The following CLTCL1 variants were observed in gnomAD, a reference collection of about 807,000 sequenced individuals.
CLTCL1 encodes clathrin heavy chain 2.
A neutral mutation model predicts 190.0 loss-of-function variants in CLTCL1; 159 were observed. The ratio of observed to expected loss-of-function variants is 0.84; its 90% CI spans 0.74 to 0.95. CLTCL1 has a LOEUF of 0.95. Among genes scored for constraint, CLTCL1 ranks in the 40% least tolerant of loss-of-function variants. The pLI is 0.00. For missense variants in CLTCL1, 1,878 were observed against 2,033.4 expected (o/e 0.92, Z 1.47); for synonymous variants, 752 against 769.6 (o/e 0.98, Z 0.38).
intron 2 of CLTCL1, among the ~76,000 whole-genome samples, chr22:19,272,791 T>A (rs1555981364): frequency 6.6e-6 from 1 of 152,060 alleles, no homozygotes; most frequent in Non-Finnish European, 1.5e-5. Context: ...TTTAATATTA[T>A]TTTTAGGGAC....
chr22:19,291,687 A>G lies in CLTCL1; in HGVS notation c.-46T>C, dbSNP rs2088135292. The G allele has an allele frequency of 1.5e-6, 2 of 1,334,398 alleles. No individual in the cohort carries two copies. The highest frequency in any genetic ancestry group is 3.4e-5 in the Admixed American group (1 of 29,012). 82.7% of individuals were successfully genotyped at this position (1,334,398 alleles called of 1,614,324 possible). A position where few individuals can be genotyped will look rare whatever the true frequency, so the allele number is the denominator to read the frequency against. On this transcript the variant is annotated 5_prime_UTR_variant, in exon 1 of 33. Coordinates refer to ENST00000427926, the MANE Select transcript of CLTCL1 (RefSeq NM_007098.4). ...GGCGGCGGCGGCAGCGGCAGGAATG[A>G]ACGCCGACCCCTCGCGCGGGCTGAC...
intron 13 of CLTCL1, among the ~76,000 whole-genome samples, chr22:19,224,265 GT>G (rs2085669920): frequency 6.6e-6 from 1 of 152,170 alleles, no homozygotes; most frequent in Admixed American, 6.5e-5. Context: ...TACCTGGCAT[GT>G]TTTGATGTAA....
intron 3 of CLTCL1, among the ~76,000 whole-genome samples, chr22:19,252,887 G>A (rs554560906): frequency 5.3e-5 from 8 of 152,102 alleles, no homozygotes; most frequent in South Asian, 2.1e-4. Flanking sequence ...GGTGGTGGGC[G>A]CCTGTAGTCC....
chr22:19,233,351 G>A (rs1555960067), intron 8 of CLTCL1, 33 bp from the exon 9 acceptor site: 2 of 1,610,310 alleles, frequency 1.2e-6, no homozygotes, highest in African/African-American at 1.3e-5. Flanking sequence ...GCAAAGTTAG[G>A]AGGCAGGTAG....
intron 2 of CLTCL1, chr22:19,257,938 G>T (rs574286038): frequency 1.0e-6 from 1 of 1,003,262 alleles, no homozygotes; most frequent in South Asian, 1.2e-5. Context: ...TGATGGCTCA[G>T]ATCTTTGCAA....
At chr22:19,206,154 G>T (rs1452107151) in intron 22 of CLTCL1, among the ~76,000 whole-genome samples, 1 of 152,128 alleles carries the variant, frequency 6.6e-6, no homozygotes, top group East Asian at 1.9e-4. Flanking sequence ...TTGAACTCCT[G>T]ACCTCAAGTG....
In CLTCL1 at chr22:19,288,356, A is replaced by G. The variant is rs528944224; in HGVS notation, c.42+3244T>C. ...GTATGCATAGGGAAAAAAAGTGTAT[A>G]AAGGGTTCAGAACAATCTGCAGTTT... On this transcript the variant is annotated intron_variant, in intron 1 of 32. Coordinates refer to ENST00000427926, the MANE Select transcript of CLTCL1 (RefSeq NM_007098.4). Among the ~76,000 whole-genome samples the G allele has an allele frequency of 2.0e-5, 3 of 152,304 alleles. No individual in the cohort carries two copies. In the South Asian group the frequency reaches 6.2e-4, roughly 32 times the overall value.
chr22:19,258,720 C>G, intron 2 of CLTCL1: 1 of 689,412 alleles, frequency 1.5e-6, no homozygotes, highest in Non-Finnish European at 2.7e-6. Context: ...CAACTCCATG[C>G]AAACCATCCA....
At position 19,234,531 on chromosome 22, in the gene CLTCL1, T is replaced by C. The variant is rs782615948; in HGVS notation, c.1145A>G (p.Lys382Arg). ...CACCTTTGGTGCAGACGCTGCAACT[T>C]TGGCGGCTTCAGCATAGCTGCCCTG... Reference protein sequence around the residue: ...FAQGSYAEAAKVAASAPKGIL... With the variant: ...FAQGSYAEAARVAASAPKGIL... Residue 382 changes from lysine to arginine, a missense_variant, in exon 7 of 33, where the codon AAA (lysine) becomes AGA (arginine). Coordinates refer to ENST00000427926, the MANE Select transcript of CLTCL1 (RefSeq NM_007098.4). 2 of 1,613,762 alleles carry C rather than the reference T, an allele frequency of 1.2e-6. No individual in the cohort carries two copies. The highest frequency in any genetic ancestry group is 2.2e-5 in the East Asian group (1 of 44,886).
At chr22:19,286,420 G>A (rs2087908573) in intron 1 of CLTCL1, among the ~76,000 whole-genome samples, 1 of 149,362 alleles carries the variant, frequency 6.7e-6, no homozygotes, top group African/African-American at 2.5e-5. Flanking sequence ...CAGTTTACAT[G>A]GTATCTTAAA....
At chr22:19,220,363 A>C (rs1205933211) in intron 17 of CLTCL1, among the ~76,000 whole-genome samples, 1 of 152,198 alleles carries the variant, frequency 6.6e-6, no homozygotes, top group Non-Finnish European at 1.5e-5. Context: ...ACAGGAACTA[A>C]ACTGGTAATT....
intron 3 of CLTCL1, among the ~76,000 whole-genome samples, chr22:19,245,137 G>C (rs1397461759): frequency 1.3e-5 from 2 of 151,174 alleles, no homozygotes; most frequent in South Asian, 4.2e-4. Flanking sequence ...ATTTGCAAAT[G>C]CTTAGACAGG....
chr22:19,257,779 G>C (rs782599873), intron 2 of CLTCL1: 128 of 1,418,206 alleles, frequency 9.0e-5, no homozygotes, highest in Non-Finnish European at 1.1e-4. Flanking sequence ...ACCATGCAAA[G>C]CCTGAACGAC....
rs201905836 is a variant in CLTCL1 at position 19,229,852 on chromosome 22, C to A, written c.1768G>T (p.Val590Phe). 1.8e-4 allele frequency: 287 copies of A among 1,609,298 alleles called. 2 individuals carry two copies. The highest frequency in any genetic ancestry group is 3.3e-4 in the Middle Eastern group (2 of 6,070). ...AAGTCACTGACCTGGGGTGCATGAACAAGGTTCATCTCCAACAGCCATGTC... is the reference window on the plus strand; with the variant it reads ...AAGTCACTGACCTGGGGTGCATGAAAAAGGTTCATCTCCAACAGCCATGTC... ...LQTWLLEMNL[V>F]HAPQVADAIL... Residue 590 changes from valine to phenylalanine, a missense_variant, in exon 11 of 33, where the codon GTT becomes TTT. Physicochemically the swap from Val to Phe is conservative, Grantham distance 50. Transcript: ENST00000427926.
chr22:19,218,120 A>C (rs1210272863), intron 18 of CLTCL1, among the ~76,000 whole-genome samples: 1 of 152,158 alleles, frequency 6.6e-6, no homozygotes, highest in Non-Finnish European at 1.5e-5. Flanking sequence ...GGCTACAGAT[A>C]TCCAATTACA....
Position 19,179,863 on chromosome 22 carries a change from G to A in CLTCL1, c.*127C>T, listed in dbSNP as rs782501774. On this transcript the variant is annotated 3_prime_UTR_variant, in exon 33 of 33. Coordinates refer to ENST00000427926, the MANE Select transcript of CLTCL1 (RefSeq NM_007098.4). ...AGTAACTCTGCAGGTAGGGTGGGTGGTGACAACGCCCACTACACGCGGAAG... is the reference window on the plus strand; with the variant it reads ...AGTAACTCTGCAGGTAGGGTGGGTGATGACAACGCCCACTACACGCGGAAG... 1.3e-4 allele frequency: 48 copies of A among 360,160 alleles called. No individual in the cohort carries two copies. Among genetic ancestry groups the A allele is most frequent in the Non-Finnish European group, 2.1e-4 (41 of 194,818 alleles). The allele number at this position is 360,160 out of a possible 1,614,324, so 22.3% of individuals were successfully genotyped here.
intron 4 of CLTCL1, 35 bp downstream of exon 4, chr22:19,242,740 T>G: frequency 6.2e-7 from 1 of 1,612,944 alleles, no homozygotes; most frequent in Non-Finnish European, 8.5e-7. Context: ...CTCATGACAC[T>G]TTTCTCAGGG....
At chr22:19,243,693 CTTTCTTTTT>C (rs1232707522) in intron 3 of CLTCL1, among the ~76,000 whole-genome samples, 1 of 103,756 alleles carries the variant, frequency 9.6e-6, no homozygotes, top group African/African-American at 3.6e-5. Context: ...TTCTTTCTTT[CTTTCTTTTT>C]TTTTTTTTTT....
chr22:19,216,253 C>T lies in CLTCL1; in HGVS notation c.2923G>A (p.Val975Ile), dbSNP rs1555949430. Reference sequence around the variant, plus strand: ...CGTGTTTCTGACAATGCTGTCTGTACCACCTGGTTTTAAAAAGCATTTGAA... The same window carrying T: ...CGTGTTTCTGACAATGCTGTCTGTATCACCTGGTTTTAAAAAGCATTTGAA... Reference protein sequence around the residue: ...PSRRQLIDQVVQTALSETRDP... With the variant: ...PSRRQLIDQVIQTALSETRDP... The change falls in exon 19 of 33, where the codon GTA becomes ATA. Residue 975 changes from valine to isoleucine, a missense_variant. Coordinates refer to ENST00000427926, the MANE Select transcript of CLTCL1 (RefSeq NM_007098.4). The T allele has an allele frequency of 3.1e-6, 5 of 1,613,206 alleles. No individual in the cohort carries two copies. Among genetic ancestry groups the T allele is most frequent in the Middle Eastern group, 1.6e-4 (1 of 6,074 alleles).
Sources: allele counts gnomAD v4.1 joint callset (sites outside exome capture counted in the v4.1 genomes callset), GRCh38; gene constraint gnomAD v4.1.1; transcripts MANE v1.5; gene names NCBI Gene and HGNC (gene_info 2026-07-23, HGNC 2026-07-21).